Variants in MICU1 observed in about 807,000 individuals in gnomAD.
The protein encoded by MICU1 is calcium uptake protein 1, mitochondrial.
In MICU1, 45 loss-of-function variants were observed where a neutral mutation model predicts 56.8. That is an observed-to-expected ratio of 0.79 (90% CI 0.62 to 1.02). The LOEUF (loss-of-function observed/expected upper bound fraction) is 1.02. Among genes scored for constraint, MICU1 ranks in the 50% least tolerant of loss-of-function variants. The probability of loss-of-function intolerance (pLI) is 0.00; values close to 1 mark genes in which losing one functional copy is unlikely to be tolerated. For synonymous variants in MICU1, 186 were observed against 195.1 expected, an observed-to-expected ratio of 0.95 and a Z score of 0.39; for missense variants, 504 against 587.1, an observed-to-expected ratio of 0.86 and a Z score of 1.46.
At chr10:72,543,932 T>C (rs1839836049) in intron 4 of MICU1, among the ~76,000 whole-genome samples, 1 of 151,598 alleles carries the variant, frequency 6.6e-6, no homozygotes, top group African/African-American at 2.4e-5. Context: ...TATTGTCTTA[T>C]GCCTAATTTC....
At chr10:72,566,586 G>C in intron 2 of MICU1, 47 bp downstream of exon 2, 1 of 1,557,586 alleles carries the variant, frequency 6.4e-7, no homozygotes, top group Non-Finnish European at 8.7e-7. Context: ...GAGATGACTG[G>C]AAGAATAAAA....
At chr10:72,475,376 C>G in intron 7 of MICU1, 79 bp from the exon 8 acceptor site, 1 of 1,241,964 alleles carries the variant, frequency 8.1e-7, no homozygotes, top group African/African-American at 1.5e-5. Context: ...AGAATCATAA[C>G]TATTGTTTAC....
At chr10:72,392,135 C>G (rs796514967) in intron 10 of MICU1, 5 of 152,238 alleles carry the variant, frequency 3.3e-5, no homozygotes, top group African/African-American at 1.2e-4. Flanking sequence ...TATAAAAATA[C>G]TATGCAACCG....
At chr10:72,440,769 C>T (rs1310698514) in intron 8 of MICU1, among the ~76,000 whole-genome samples, 1 of 152,178 alleles carries the variant, frequency 6.6e-6, no homozygotes, top group Non-Finnish European at 1.5e-5. Context: ...CAAAAGAAGA[C>T]ATCTATACAG....
intron 3 of MICU1, among the ~76,000 whole-genome samples, chr10:72,554,655 A>C (rs1840114701): frequency 6.6e-6 from 1 of 152,268 alleles, no homozygotes; most frequent in African/African-American, 2.4e-5. Flanking sequence ...AGAAATGGTT[A>C]CTACAAAAAT....
chr10:72,368,061 C>T lies in MICU1; in HGVS notation c.*134G>A, dbSNP rs745580557. The T allele has an allele frequency of 2.2e-5, 21 of 946,924 alleles. No individual in the cohort carries two copies. The highest frequency in any genetic ancestry group is 5.6e-5 in the Admixed American group (2 of 35,506). The allele number at this position is 946,924 out of a possible 1,614,324, so 58.7% of individuals were successfully genotyped here. A position where few individuals can be genotyped will look rare whatever the true frequency, so the allele number is the denominator to read the frequency against. On this transcript the variant is annotated 3_prime_UTR_variant, in exon 12 of 12. Coordinates refer to ENST00000361114, the MANE Select transcript of MICU1 (RefSeq NM_001195518.2). ...ACGGGGAAGGGTAAAGAGGGGAAAC[C>T]GACAGAGTCCTGAGGTCATCCCGGG...
chr10:72,513,202 C>A (rs1003880393), intron 5 of MICU1, among the ~76,000 whole-genome samples: 4 of 152,114 alleles, frequency 2.6e-5, no homozygotes, highest in African/African-American at 9.7e-5. Context: ...TTCTCCACAC[C>A]CTCACCAATA....
rs192662049 is a variant in MICU1, at chr10:72,548,147, T to C, written c.493+3032A>G. ...AGGAGAAAGCAACAGATACACAACATAGCTGAGGTTTCATCCTGTCAGGCT... is the reference window on the plus strand; with the variant it reads ...AGGAGAAAGCAACAGATACACAACACAGCTGAGGTTTCATCCTGTCAGGCT... On this transcript the variant is annotated intron_variant, in intron 4 of 11. Coordinates refer to ENST00000361114, the MANE Select transcript of MICU1 (RefSeq NM_001195518.2). Among the ~76,000 whole-genome samples the C allele has an allele frequency of 1.1e-3, 170 of 152,320 alleles. 1 individual carries two copies. The highest frequency in any genetic ancestry group is 3.9e-3 in the African/African-American group (164 of 41,556).
chr10:72,408,107 G>A (rs180821188), intron 9 of MICU1, 70 bp from the exon 10 acceptor site: 2 of 872,334 alleles, frequency 2.3e-6, no homozygotes, highest in Admixed American at 2.3e-5. Flanking sequence ...CATAGGCAGT[G>A]ATTCACATCT....
chr10:72,455,444 A>G (rs1030811856), intron 8 of MICU1, among the ~76,000 whole-genome samples: 4 of 151,826 alleles, frequency 2.6e-5, no homozygotes, highest in Admixed American at 6.6e-5. Flanking sequence ...TAAGTGACAC[A>G]TTATTCAGGT....
intron 8 of MICU1, among the ~76,000 whole-genome samples, chr10:72,457,012 C>T (rs1394644841): frequency 1.3e-5 from 2 of 148,514 alleles, no homozygotes; most frequent in African/African-American, 5.0e-5. Flanking sequence ...TTGGTAGAAA[C>T]AAGATCTCAC....
chr10:72,621,663 A>G (rs922546410), intron 1 of MICU1, among the ~76,000 whole-genome samples: 1 of 152,148 alleles, frequency 6.6e-6, no homozygotes, highest in African/African-American at 2.4e-5. Context: ...AAGTTCACCC[A>G]AAGCAATAAA....
At chr10:72,400,017 C>T (rs1863400034) in intron 10 of MICU1, among the ~76,000 whole-genome samples, 1 of 152,120 alleles carries the variant, frequency 6.6e-6, no homozygotes, top group Admixed American at 6.5e-5. Context: ...GATTTTTCCC[C>T]CTTCCAACTC....
Position 72,615,906 on chromosome 10 carries a change from G to A in MICU1, c.-2+10104C>T, listed in dbSNP as rs948951704. ...TGGAAGGCTGAGGCAGGAGAATGGC[G>A]TGAACCCGGGAGGCGGAGCTGGCAG... On this transcript the variant is annotated intron_variant, in intron 1 of 11. Transcript: ENST00000361114. Among the ~76,000 whole-genome samples the A allele has an allele frequency of 4.6e-5, 7 of 152,144 alleles. 1 individual carries two copies. In the East Asian group the frequency reaches 7.7e-4, roughly 17 times the overall value.
rs1204956646 is a variant in MICU1, at chr10:72,594,448, C to T, written c.-1-27654G>A. Among the ~76,000 whole-genome samples the T allele has an allele frequency of 2.0e-5, 3 of 151,906 alleles. No homozygotes were observed. In the East Asian group the frequency reaches 5.8e-4, roughly 29 times the overall value. The stretch of plus-strand genomic sequence containing the variant: ...ATGTAACACCTAAAATCATAAAACT[C>T]CTAGAAAACCTAGATAGGGAAAAAG... On this transcript the variant is annotated intron_variant, in intron 1 of 11. Coordinates refer to ENST00000361114, the MANE Select transcript of MICU1 (RefSeq NM_001195518.2).
In MICU1 at chr10:72,592,645, T is replaced by G. The variant is rs141188641; in HGVS notation, c.-1-25851A>C. 4.2e-4 allele frequency among the ~76,000 whole-genome samples: 64 copies of G among 152,314 alleles called. No homozygotes were observed. The East Asian group carries it at 0.011, about 25-fold the overall frequency. On this transcript the variant is annotated intron_variant, in intron 1 of 11. Transcript: ENST00000361114. ...GACACCATGACAAAGTGGGATTTAT[T>G]CCTAGAATCCAAGGATGGTTCAACA...
intron 6 of MICU1, among the ~76,000 whole-genome samples, chr10:72,489,456 T>C (rs190053032): frequency 4.6e-5 from 7 of 152,266 alleles, no homozygotes; most frequent in South Asian, 2.1e-4. Context: ...CAATAAATGG[T>C]AGAGCTGGGA....
At chr10:72,532,870 C>A in intron 5 of MICU1, 2 of 1,156,764 alleles carry the variant, frequency 1.7e-6, no homozygotes, top group South Asian at 3.7e-5. Flanking sequence ...GAGCTCAACA[C>A]TTATCTCTCC....
At chr10:72,617,198 A>G (rs1253460480) in intron 1 of MICU1, among the ~76,000 whole-genome samples, 1 of 152,194 alleles carries the variant, frequency 6.6e-6, no homozygotes, top group East Asian at 1.9e-4. Flanking sequence ...CAACTCAAAT[A>G]TTATATCATT....
Sources: allele counts gnomAD v4.1 joint callset (sites outside exome capture counted in the v4.1 genomes callset), GRCh38; gene constraint gnomAD v4.1.1; transcripts MANE v1.5; gene names NCBI Gene and HGNC (gene_info 2026-07-23, HGNC 2026-07-21).